EML6: variants seen among roughly 807,000 people sequenced by gnomAD.
EML6 encodes the protein EMAP like 6.
A neutral mutation model predicts 240.1 loss-of-function variants in EML6; 154 were observed. The ratio of observed to expected loss-of-function variants is 0.64; its 90% CI spans 0.56 to 0.73. The LOEUF (loss-of-function observed/expected upper bound fraction) is 0.73, where lower values mean the gene tolerates loss of function less well. Ranked by LOEUF, EML6 falls within the 30% of genes least tolerant of loss-of-function variation. The probability of loss-of-function intolerance (pLI) is 0.00; values close to 1 mark genes in which losing one functional copy is unlikely to be tolerated. For missense variants in EML6, 2,964 were observed against 2,474.6 expected (o/e 1.20, Z -4.20); for synonymous variants, 1,148 against 899.0 (o/e 1.28, Z -4.95).
At position 54,842,238 on chromosome 2, in the gene EML6, G is replaced by T. The variant is rs549654083; in HGVS notation, c.848-1809G>T. 1.5e-3 allele frequency among the ~76,000 whole-genome samples: 227 copies of T among 152,174 alleles called. 1 individual carries two copies. The highest frequency in any genetic ancestry group is 4.8e-3 in the African/African-American group (199 of 41,500). On this transcript the variant is annotated intron_variant, in intron 7 of 41. Transcript: ENST00000356458. ...CCATACTCTGCCTGTTCATCACTCTGCCTATTTATCTCTCTGCCCCAGATT... is the reference window on the plus strand; with the variant it reads ...CCATACTCTGCCTGTTCATCACTCTTCCTATTTATCTCTCTGCCCCAGATT...
At chr2:54,897,865 G>A (rs1205467264) in intron 21 of EML6, among the ~76,000 whole-genome samples, 7 of 152,212 alleles carry the variant, frequency 4.6e-5, no homozygotes, top group Admixed American at 2.6e-4. Context: ...GCCCAGGACC[G>A]TGTCACAGTC....
chr2:54,843,623 T>C (rs944956552), intron 7 of EML6, among the ~76,000 whole-genome samples: 20 of 151,830 alleles, frequency 1.3e-4, no homozygotes, highest in Admixed American at 1.2e-3. Flanking sequence ...GGCGGGCGGA[T>C]CACGAGGTCA....
chr2:54,961,194 T>TTTTTTGTTTTTTTG (rs1558729646), intron 35 of EML6, among the ~76,000 whole-genome samples: 1 of 116,178 alleles, frequency 8.6e-6, no homozygotes, highest in Non-Finnish European at 1.8e-5. Flanking sequence ...GTTTTTTTTT[T>TTTTTTGTTTTTTTG]TTTTTTTTTG....
At chr2:54,776,468 A>G (rs1485335639) in intron 2 of EML6, among the ~76,000 whole-genome samples, 1 of 152,090 alleles carries the variant, frequency 6.6e-6, no homozygotes, top group Non-Finnish European at 1.5e-5. Flanking sequence ...GCTTTTATCT[A>G]TATTTTTGAA....
At chr2:54,782,605 A>G (rs1324951138) in intron 2 of EML6, among the ~76,000 whole-genome samples, 1 of 151,504 alleles carries the variant, frequency 6.6e-6, no homozygotes, top group Non-Finnish European at 1.5e-5. Flanking sequence ...TGTAACGAGT[A>G]TCATGAATGT....
chr2:54,805,712 T>A (rs1670432561), intron 2 of EML6, among the ~76,000 whole-genome samples: 1 of 152,198 alleles, frequency 6.6e-6, no homozygotes, highest in African/African-American at 2.4e-5. Context: ...GTGTAATGGT[T>A]CATGCTTGTT....
At chr2:54,886,463 T>A (rs565644688) in intron 17 of EML6, among the ~76,000 whole-genome samples, 2 of 152,210 alleles carry the variant, frequency 1.3e-5, no homozygotes, top group East Asian at 3.9e-4. Context: ...CGCCACCGCG[T>A]CTGGCCTCTT....
At chr2:54,840,703 A>G (rs1291463894) in intron 7 of EML6, among the ~76,000 whole-genome samples, 1 of 152,362 alleles carries the variant, frequency 6.6e-6, no homozygotes, top group Non-Finnish European at 1.5e-5. Context: ...TCATTTGCTC[A>G]GTAATCTTTA....
At chr2:54,852,684 G>A (rs374379055) in intron 10 of EML6, among the ~76,000 whole-genome samples, 5 of 152,270 alleles carry the variant, frequency 3.3e-5, no homozygotes, top group Admixed American at 6.5e-5. Flanking sequence ...GAAGTTTTAC[G>A]TAATGCTGTT....
At chr2:54,896,655 A>G (rs1453097474) in intron 21 of EML6, among the ~76,000 whole-genome samples, 4 of 152,192 alleles carry the variant, frequency 2.6e-5, no homozygotes, top group Non-Finnish European at 4.4e-5. Context: ...AGAACTTCCA[A>G]GATTCCAGTG....
At chr2:54,882,871 A>AAAAAAAAAAAAAAAAAAAAAAAAAAAAAG (rs962733331) in intron 17 of EML6, 12 of 128,808 alleles carry the variant, frequency 9.3e-5, no homozygotes, top group African/African-American at 1.5e-4. Flanking sequence ...AAAAAAAAAA[A>AAAAAAAAAAAAAAAAAAAAAAAAAAAAAG]AAAGAAAGCT....
intron 7 of EML6, among the ~76,000 whole-genome samples, chr2:54,843,839 C>T (rs1393916863): frequency 1.6e-5 from 1 of 63,830 alleles, no homozygotes; most frequent in Non-Finnish European, 3.4e-5. Context: ...AGCAAGACTC[C>T]ATCTCAAAAA....
rs2104352512 is a variant in EML6 at position 54,724,600 on chromosome 2, C to T, written c.-462C>T. 1 of 152,360 alleles carries T rather than the reference C, an allele frequency of 6.6e-6. No homozygotes were observed. The highest frequency in any genetic ancestry group is 3.4e-3 in the Middle Eastern group (1 of 294). 9.4% of individuals were successfully genotyped at this position (152,360 alleles called of 1,614,324 possible). Reference sequence around the variant, plus strand: ...CGATGGCAGAGCTCACCCGGGTTGCCTGTCAAATCAAGGCTATCGCAGAAT... The same window carrying T: ...CGATGGCAGAGCTCACCCGGGTTGCTTGTCAAATCAAGGCTATCGCAGAAT... On this transcript the variant is annotated 5_prime_UTR_variant, in exon 2 of 42. Transcript: ENST00000356458. The surrounding 1 kb of genome is among the most constrained non-coding windows in gnomAD (Gnocchi z 5.2).
Position 54,842,378 on chromosome 2 carries a change from T to G in EML6, c.848-1669T>G, listed in dbSNP as rs114038089. Among the ~76,000 whole-genome samples the G allele has an allele frequency of 5.2e-3, 788 of 152,340 alleles. 2 individuals carry two copies. Among genetic ancestry groups the G allele is most frequent in the Non-Finnish European group, 7.6e-3 (520 of 68,030 alleles). ...GCTTCCTTAGTCAAATACTTCAAAG[T>G]ATTATGTAAATTTAGTTTTAGAGCC... On this transcript the variant is annotated intron_variant, in intron 7 of 41. Coordinates refer to ENST00000356458, the MANE Select transcript of EML6 (RefSeq NM_001039753.4).
chr2:54,791,546 C>A (rs1312867394), intron 2 of EML6, among the ~76,000 whole-genome samples: 1 of 152,180 alleles, frequency 6.6e-6, no homozygotes, highest in Non-Finnish European at 1.5e-5. Context: ...CTTCTAGTTC[C>A]AGTCAGTGGA....
intron 2 of EML6, among the ~76,000 whole-genome samples, chr2:54,732,534 C>T (rs181432150): frequency 1.8e-3 from 270 of 152,246 alleles, no homozygotes; most frequent in Middle Eastern, 6.8e-3. Context: ...GTCCCAACAT[C>T]GTTTGTTGAA....
intron 2 of EML6, among the ~76,000 whole-genome samples, chr2:54,787,299 G>C (rs1345748567): frequency 6.6e-6 from 1 of 152,102 alleles, no homozygotes; most frequent in African/African-American, 2.4e-5. Context: ...GAGGGTTGGG[G>C]GGGGGTCTTT....
At chr2:54,765,385 T>TTTGAA (rs1184239479) in intron 2 of EML6, among the ~76,000 whole-genome samples, 6 of 152,178 alleles carry the variant, frequency 3.9e-5, no homozygotes, top group Non-Finnish European at 8.8e-5. Flanking sequence ...TATCTCCTCT[T>TTTGAA]TTGAACTGTT....
intron 28 of EML6, among the ~76,000 whole-genome samples, chr2:54,943,115 G>A (rs898938466): frequency 6.6e-6 from 1 of 152,158 alleles, no homozygotes; most frequent in Non-Finnish European, 1.5e-5. Context: ...CAGTCATCCA[G>A]GTTTCAACTC....
Sources: allele counts gnomAD v4.1 joint callset (sites outside exome capture counted in the v4.1 genomes callset), GRCh38; gene constraint gnomAD v4.1.1; non-coding constraint Gnocchi (gnomAD v3.1); transcripts MANE v1.5; gene names NCBI Gene and HGNC (gene_info 2026-07-23, HGNC 2026-07-21).